Variants in CADM1 observed in about 807,000 individuals in gnomAD.
CADM1 encodes the protein cell adhesion molecule 1.
Under a neutral mutation model 53.1 loss-of-function variants are expected in CADM1, and 15 were observed. That is an observed-to-expected ratio of 0.28 (90% CI 0.19 to 0.44). The LOEUF (loss-of-function observed/expected upper bound fraction) is 0.44, where lower values mean the gene tolerates loss of function less well. Among genes scored for constraint, CADM1 ranks in the 20% least tolerant of loss-of-function variants. CADM1 has a pLI of 1.00. For missense variants in CADM1, 434 were observed against 611.3 expected, an observed-to-expected ratio of 0.71 and a Z score of 3.06; for synonymous variants, 281 against 243.0, an observed-to-expected ratio of 1.16 and a Z score of -1.45.
intron 5 of CADM1, among the ~76,000 whole-genome samples, chr11:115,224,829 A>G (rs1941542950): frequency 6.6e-6 from 1 of 152,198 alleles, no homozygotes; most frequent in Non-Finnish European, 1.5e-5. Context: ...TGACAAGAGT[A>G]CATTCCCTCA....
intron 1 of CADM1, among the ~76,000 whole-genome samples, chr11:115,252,834 C>T (rs941944595): frequency 6.6e-6 from 1 of 152,202 alleles, no homozygotes; most frequent in African/African-American, 2.4e-5. Flanking sequence ...CTAAACCTCT[C>T]TTTAAACACT....
intron 1 of CADM1, among the ~76,000 whole-genome samples, chr11:115,450,091 C>A (rs1948539024): frequency 6.6e-6 from 1 of 152,102 alleles, no homozygotes; most frequent in Non-Finnish European, 1.5e-5. Flanking sequence ...CTATGTCTTT[C>A]CATACAACAT....
Position 115,427,504 on chromosome 11 carries a change from A to T in CADM1, c.124+76767T>A, listed in dbSNP as rs180886144. On this transcript the variant is annotated intron_variant, in intron 1 of 11. Transcript: ENST00000331581. Reference sequence around the variant, plus strand: ...TTTATGCCTCTATCTAGAAGTAGAGATGATAGATAGATGGATAGATGATAG... The same window carrying T: ...TTTATGCCTCTATCTAGAAGTAGAGTTGATAGATAGATGGATAGATGATAG... Among the ~76,000 whole-genome samples, 38 of 152,250 alleles carry T rather than the reference A, an allele frequency of 2.5e-4. 2 individuals are homozygous for T. Among genetic ancestry groups the T allele is most frequent in the African/African-American group, 9.1e-4 (38 of 41,544 alleles).
intron 1 of CADM1, among the ~76,000 whole-genome samples, chr11:115,254,593 C>CAG (rs780838513): frequency 3.9e-4 from 53 of 136,294 alleles, no homozygotes; most frequent in Admixed American, 3.7e-3. Context: ...CACACACACA[C>CAG]AGAGACAACA....
At chr11:115,400,661 G>GTGTGTA (rs1295332849) in intron 1 of CADM1, among the ~76,000 whole-genome samples, 7 of 46,572 alleles carry the variant, frequency 1.5e-4, no homozygotes, top group South Asian at 8.4e-4. Flanking sequence ...GTGTGTGTGT[G>GTGTGTA]TATATATATA....
At position 115,420,393 on chromosome 11, in the gene CADM1, T is replaced by A. The variant is rs572862973; in HGVS notation, c.124+83878A>T. On this transcript the variant is annotated intron_variant, in intron 1 of 11. Transcript: ENST00000331581. ...TCCCGGGGTGTCACAGGTGTATTGA[T>A]AATTGACTCAGTCTGTTTTGTTTAC... Among the ~76,000 whole-genome samples, 210 of 152,266 alleles carry A rather than the reference T, an allele frequency of 1.4e-3. 1 individual carries two copies. Among genetic ancestry groups the A allele is most frequent in the African/African-American group, 4.9e-3 (203 of 41,562 alleles).
chr11:115,266,910 T>C (rs760227677), intron 1 of CADM1, among the ~76,000 whole-genome samples: 11 of 152,240 alleles, frequency 7.2e-5, no homozygotes, highest in South Asian at 4.1e-4. Flanking sequence ...AACTAGGAAA[T>C]TGTTTTAACC....
chr11:115,335,820 C>G (rs955512426), intron 1 of CADM1, among the ~76,000 whole-genome samples: 1 of 152,034 alleles, frequency 6.6e-6, no homozygotes, highest in Non-Finnish European at 1.5e-5. Context: ...TAAGAAAAGT[C>G]AATGGTTCAT....
At chr11:115,498,438 T>C (rs946081643) in intron 1 of CADM1, among the ~76,000 whole-genome samples, 2 of 152,154 alleles carry the variant, frequency 1.3e-5, no homozygotes, top group Non-Finnish European at 2.9e-5. Context: ...CCTACAGAAG[T>C]CCTCACATGG....
At chr11:115,193,641 A>G in intron 9 of CADM1, among the ~76,000 whole-genome samples, 1 of 152,224 alleles carries the variant, frequency 6.6e-6, no homozygotes, top group East Asian at 1.9e-4. Flanking sequence ...AAGAAATTCT[A>G]GAGATATTAA....
chr11:115,297,351 T>A (rs768730381), intron 1 of CADM1, among the ~76,000 whole-genome samples: 2 of 152,208 alleles, frequency 1.3e-5, no homozygotes, highest in Non-Finnish European at 2.9e-5. Flanking sequence ...TTCAGCTGCA[T>A]GATCAGGAAC....
intron 1 of CADM1, among the ~76,000 whole-genome samples, chr11:115,482,753 G>A (rs375515799): frequency 6.6e-6 from 1 of 152,118 alleles, no homozygotes; most frequent in East Asian, 1.9e-4. Flanking sequence ...GAAGATATAC[G>A]CCAAGAAAAA....
intron 1 of CADM1, among the ~76,000 whole-genome samples, chr11:115,264,884 G>A (rs547369020): frequency 1.1e-4 from 16 of 152,100 alleles, no homozygotes; most frequent in Non-Finnish European, 1.8e-4. Context: ...AGCTGGAATC[G>A]GGTGGGAATG....
In CADM1 at chr11:115,422,685, G is replaced by C. The variant is rs556869310; in HGVS notation, c.124+81586C>G. On this transcript the variant is annotated intron_variant, in intron 1 of 11. Coordinates refer to ENST00000331581, the MANE Select transcript of CADM1 (RefSeq NM_001301043.2). ...TTTACAAGTGCAACTCTTTGGAACA[G>C]CACAGATAGTTCGCTGTGCCCTTTG... Among the ~76,000 whole-genome samples the C allele has an allele frequency of 5.9e-5, 9 of 152,316 alleles. No individual in the cohort carries two copies. In the East Asian group the frequency reaches 1.7e-3, roughly 29 times the overall value.
rs1354449151 is a variant in CADM1 at position 115,240,363 on chromosome 11, G to T, written c.182C>A (p.Thr61Asn). Residue 61 changes from threonine to asparagine, a missense_variant, in exon 2 of 12, where the codon ACC becomes AAC. By Grantham distance (65) the Thr-to-Asn change is moderately conservative. This residue lies in a region of CADM1 where 31 missense variants were observed against 74.6 expected (regional missense o/e 0.42). Coordinates refer to ENST00000331581, the MANE Select transcript of CADM1 (RefSeq NM_001301043.2). ...DVTVIEGEVA[T>N]ISCQVNKSDD... ...ACTCTTATTGACTTGGCAACTGATG[G>T]TCGCAACCTCTCCCTCGATCACTGT... 1.2e-6 allele frequency: 2 copies of T among 1,613,732 alleles called. No homozygotes were observed. The highest frequency in any genetic ancestry group is 2.2e-5 in the South Asian group (2 of 91,062).
intron 1 of CADM1, among the ~76,000 whole-genome samples, chr11:115,257,384 T>A (rs1942825002): frequency 6.6e-6 from 1 of 152,188 alleles, no homozygotes; most frequent in Non-Finnish European, 1.5e-5. Context: ...CTTTGCAGAA[T>A]CAGACAGACT....
chr11:115,324,639 A>G (rs1055383284), intron 1 of CADM1, among the ~76,000 whole-genome samples: 2 of 152,222 alleles, frequency 1.3e-5, no homozygotes, highest in African/African-American at 2.4e-5. Context: ...ATAGCCAAGA[A>G]AAAAGCTTGA....
chr11:115,335,103 T>A lies in CADM1; in HGVS notation c.125-94683A>T, dbSNP rs137866726. ...CCTATTTTGTCACAAGATGGCAATCTCATGCACTGGTAAACCATAAAAATT... is the reference window on the plus strand; with the variant it reads ...CCTATTTTGTCACAAGATGGCAATCACATGCACTGGTAAACCATAAAAATT... On this transcript the variant is annotated intron_variant, in intron 1 of 11. Transcript: ENST00000331581. 3.2e-3 allele frequency among the ~76,000 whole-genome samples: 481 copies of A among 152,232 alleles called. 3 individuals carry two copies. Among genetic ancestry groups the A allele is most frequent in the Non-Finnish European group, 5.9e-3 (404 of 67,996 alleles).
intron 1 of CADM1, among the ~76,000 whole-genome samples, chr11:115,248,177 A>G (rs775538580): frequency 6.6e-6 from 1 of 152,242 alleles, no homozygotes; most frequent in African/African-American, 2.4e-5. Flanking sequence ...GCACAGTCCA[A>G]CTTCTATTTA....
Sources: allele counts gnomAD v4.1 joint callset (sites outside exome capture counted in the v4.1 genomes callset), GRCh38; gene constraint gnomAD v4.1.1; regional missense constraint gnomAD v4.1.1; transcripts MANE v1.5; gene names NCBI Gene and HGNC (gene_info 2026-07-23, HGNC 2026-07-21).